SRL: variants seen among roughly 807,000 people sequenced by gnomAD.
The protein encoded by SRL is sarcalumenin.
A neutral mutation model predicts 39.5 loss-of-function variants in SRL; 23 were observed. That is an observed-to-expected ratio of 0.58 (90% CI 0.42 to 0.82). The LOEUF (loss-of-function observed/expected upper bound fraction) is 0.82, where lower values mean the gene tolerates loss of function less well. Among genes scored for constraint, SRL ranks in the 40% least tolerant of loss-of-function variants. The pLI is 0.00. For synonymous variants in SRL, 272 were observed against 237.4 expected, an observed-to-expected ratio of 1.15 and a Z score of -1.34; for missense variants, 592 against 607.8, an observed-to-expected ratio of 0.97 and a Z score of 0.27.
At chr16:4,222,825 G>C (rs903080867) in intron 1 of SRL, among the ~76,000 whole-genome samples, 26 of 152,158 alleles carry the variant, frequency 1.7e-4, no homozygotes, top group African/African-American at 5.8e-4. Context: ...GAGATGCGGT[G>C]GCTCACGCCT....
chr16:4,206,051 G>A (rs796204748), intron 1 of SRL, among the ~76,000 whole-genome samples: 1 of 152,292 alleles, frequency 6.6e-6, no homozygotes, highest in African/African-American at 2.4e-5. Flanking sequence ...CCCCACTCCT[G>A]GTCTAAGTCC....
At position 4,220,646 on chromosome 16, in the gene SRL, CA is replaced by C. The variant is rs1468947946; in HGVS notation, c.62-16013del. On this transcript the variant is annotated intron_variant, in intron 1 of 5. Coordinates refer to ENST00000399609, the MANE Select transcript of SRL (RefSeq NM_001098814.2). ...TGGATATCCCACCCCAGGGAGAAAT[CA>C]TCATTCAACCCAACAGCAGCTTTCT... 2.0e-5 allele frequency among the ~76,000 whole-genome samples: 3 copies of C among 152,144 alleles called. No individual in the cohort carries two copies. In the East Asian group the frequency reaches 5.8e-4, roughly 29 times the overall value.
chr16:4,215,681 T>A (rs1474726529), intron 1 of SRL, among the ~76,000 whole-genome samples: 1 of 152,146 alleles, frequency 6.6e-6, no homozygotes, highest in African/African-American at 2.4e-5. Flanking sequence ...TCTTCTACTC[T>A]TCAATAACAA....
chr16:4,201,843 A>G (rs531350035), intron 3 of SRL, among the ~76,000 whole-genome samples: 1 of 92,564 alleles, frequency 1.1e-5, no homozygotes, highest in African/African-American at 6.2e-5. Flanking sequence ...TTTAATAGAA[A>G]CGGGGTTTCA....
intron 1 of SRL, chr16:4,206,605 C>T (rs1331913528): frequency 6.8e-6 from 3 of 440,824 alleles, no homozygotes; most frequent in African/African-American, 4.0e-5. Context: ...CGGGCCGGGA[C>T]TGTGAAAAGG....
At chr16:4,224,254 G>A (rs1437447249) in intron 1 of SRL, among the ~76,000 whole-genome samples, 1 of 152,130 alleles carries the variant, frequency 6.6e-6, no homozygotes, top group Non-Finnish European at 1.5e-5. Flanking sequence ...TGTTTCATTA[G>A]TAATAAAACA....
intron 1 of SRL, among the ~76,000 whole-genome samples, chr16:4,214,150 G>C (rs538477041): frequency 6.6e-6 from 1 of 152,192 alleles, no homozygotes; most frequent in African/African-American, 2.4e-5. Flanking sequence ...TGAAACTAGA[G>C]ATGGAGAGAA....
intron 1 of SRL, among the ~76,000 whole-genome samples, chr16:4,219,996 A>C (rs1597286713): frequency 6.6e-6 from 1 of 152,064 alleles, no homozygotes; most frequent in Non-Finnish European, 1.5e-5. Context: ...CGTCTGGGTC[A>C]TTAGAGAAGG....
chr16:4,240,539 T>G (rs1304205628), intron 1 of SRL, among the ~76,000 whole-genome samples: 2 of 152,098 alleles, frequency 1.3e-5, no homozygotes, highest in Admixed American at 1.3e-4. Flanking sequence ...ACGCACGCTG[T>G]GGGACCCAGG....
chr16:4,233,462 T>G (rs2141069214), intron 1 of SRL, among the ~76,000 whole-genome samples: 1 of 152,266 alleles, frequency 6.6e-6, no homozygotes, highest in African/African-American at 2.4e-5. Context: ...CCAGCAATTG[T>G]CCCCTCCCTG....
chr16:4,204,722 T>C (rs1187712222), intron 1 of SRL, 88 bp from the exon 2 acceptor site: 9 of 1,168,270 alleles, frequency 7.7e-6, no homozygotes, highest in Non-Finnish European at 1.0e-5. Context: ...GGGCTGGGCC[T>C]CAAGCAGGGG....
intron 3 of SRL, among the ~76,000 whole-genome samples, chr16:4,202,331 C>T (rs762972976): frequency 6.6e-5 from 10 of 152,192 alleles, no homozygotes; most frequent in Non-Finnish European, 1.3e-4. Context: ...CGGTGGCTCA[C>T]GCTTGTAATC....
chr16:4,197,421 C>CTTTTTTTTTTTTTT (rs71139621), intron 4 of SRL, among the ~76,000 whole-genome samples: 1 of 107,568 alleles, frequency 9.3e-6, no homozygotes, highest in Non-Finnish European at 1.7e-5. Flanking sequence ...CTTTTCTTTC[C>CTTTTTTTTTTTTTT]TTTTTTTTTT....
intron 1 of SRL, among the ~76,000 whole-genome samples, chr16:4,213,166 G>T (rs2052414157): frequency 6.6e-6 from 1 of 152,112 alleles, no homozygotes; most frequent in South Asian, 2.1e-4. Flanking sequence ...GACTCATGGG[G>T]TGAGGAAAGA....
At chr16:4,212,049 G>T (rs2052400243) in intron 1 of SRL, among the ~76,000 whole-genome samples, 1 of 152,180 alleles carries the variant, frequency 6.6e-6, no homozygotes, top group African/African-American at 2.4e-5. Flanking sequence ...TCCAAATGTT[G>T]GAGGTTCACC....
intron 1 of SRL, among the ~76,000 whole-genome samples, chr16:4,217,173 C>G (rs2052470456): frequency 6.6e-6 from 1 of 152,212 alleles, no homozygotes; most frequent in East Asian, 1.9e-4. Context: ...CTTCCTGGGG[C>G]TGAGGCTCCA....
intron 1 of SRL, among the ~76,000 whole-genome samples, chr16:4,237,504 C>T (rs932178193): frequency 4.1e-4 from 63 of 152,296 alleles, no homozygotes; most frequent in African/African-American, 1.4e-3. Context: ...CCCTACTCTT[C>T]CTACAAACAA....
At position 4,194,568 on chromosome 16, in the gene SRL, C is replaced by A. The variant is rs151257030; in HGVS notation, c.610+985G>T. ...CACCAAACCCAATTTAGCCAGAAGTCAAACATACTGGTACTGGGATCCAAT... is the reference window on the plus strand; with the variant it reads ...CACCAAACCCAATTTAGCCAGAAGTAAAACATACTGGTACTGGGATCCAAT... On this transcript the variant is annotated intron_variant, in intron 5 of 5. Coordinates refer to ENST00000399609, the MANE Select transcript of SRL (RefSeq NM_001098814.2). 4.3e-3 allele frequency among the ~76,000 whole-genome samples: 660 copies of A among 152,318 alleles called. 3 individuals carry two copies. Among genetic ancestry groups the A allele is most frequent in the Middle Eastern group, 0.024 (7 of 294 alleles).
chr16:4,226,365 G>T (rs1361923620), intron 1 of SRL, among the ~76,000 whole-genome samples: 1 of 151,980 alleles, frequency 6.6e-6, no homozygotes, highest in African/African-American at 2.4e-5. Flanking sequence ...TGGGTAGATG[G>T]ATGAATGGAA....
Sources: allele counts gnomAD v4.1 joint callset (sites outside exome capture counted in the v4.1 genomes callset), GRCh38; gene constraint gnomAD v4.1.1; transcripts MANE v1.5; gene names NCBI Gene and HGNC (gene_info 2026-07-23, HGNC 2026-07-21).